MAG: variants seen among roughly 807,000 people sequenced by gnomAD.
The protein encoded by MAG is myelin associated glycoprotein, also known as myelin-associated glycoprotein.
MAG carries 30 observed loss-of-function variants against 60.7 expected under a neutral mutation model. That is an observed-to-expected ratio of 0.49 (90% CI 0.37 to 0.67). MAG has a LOEUF of 0.67. Ranked by LOEUF, MAG falls within the 30% of genes least tolerant of loss-of-function variation. MAG has a pLI of 0.00. For synonymous variants in MAG, 384 were observed against 376.8 expected (o/e 1.02, Z -0.22); for missense variants, 795 against 851.7 (o/e 0.93, Z 0.83).
chr19:35,295,717 C>T lies in MAG; in HGVS notation c.151C>T (p.Arg51Trp), dbSNP rs761708648. The change falls in exon 4 of 11, where the codon CGG (arginine) becomes TGG (tryptophan). Residue 51 changes from arginine (R) to tryptophan (W), a missense_variant. Physicochemically the swap from Arg to Trp is moderately radical, Grantham distance 101. Coordinates refer to ENST00000392213, the MANE Select transcript of MAG (RefSeq NM_002361.4). The surrounding 1 kb of genome is among the most constrained non-coding windows in gnomAD (Gnocchi z 5.8). ...CCGCTTTGACTTCCCGGATGAGCTG[C>T]GGCCCGCTGTGGTGCATGGTGTCTG... ...PCRFDFPDEL[R>W]PAVVHGVWYF... 3 of 1,613,712 alleles carry T rather than the reference C, an allele frequency of 1.9e-6. No individual in the cohort carries two copies. Among genetic ancestry groups the T allele is most frequent in the Non-Finnish European group, 1.7e-6 (2 of 1,180,014 alleles).
At chr19:35,312,438 G>C in intron 10 of MAG, 2 of 978,296 alleles carry the variant, frequency 2.0e-6, no homozygotes, top group Non-Finnish European at 3.2e-6. Context: ...GGTGATGTCC[G>C]GGCCTGCCCG....
intron 4 of MAG, among the ~76,000 whole-genome samples, chr19:35,299,004 C>T (rs1276083371): frequency 1.3e-5 from 2 of 150,866 alleles, no homozygotes; most frequent in Non-Finnish European, 3.0e-5. Context: ...CTACACAAAC[C>T]ACACACATCA....
At chr19:35,311,865 T>G (rs560384625) in intron 9 of MAG, 53 bp from the exon 10 acceptor site, 6 of 1,284,228 alleles carry the variant, frequency 4.7e-6, no homozygotes, top group Non-Finnish European at 6.7e-6. Context: ...CTAAAACACG[T>G]GGGGGTGCAG....
intron 6 of MAG, among the ~76,000 whole-genome samples, chr19:35,301,744 T>G (rs55956815): frequency 0.18 from 27,882 of 151,872 alleles, 2,627 homozygotes; most frequent in African/African-American, 0.21. Flanking sequence ...TTTTGTATTT[T>G]TAGTAGAGAC....
rs959701321 is a variant in MAG at position 35,305,743 on chromosome 19, C to T, written c.1231+3035C>T. On this transcript the variant is annotated intron_variant, in intron 7 of 10. Transcript: ENST00000392213. ...GCTGAGACAGTTGGATCACTTGAGG[C>T]CAGGAGTTCGAGACCAGCCTGACCA... Among the ~76,000 whole-genome samples, 4 of 152,176 alleles carry T rather than the reference C, an allele frequency of 2.6e-5. No individual in the cohort carries two copies. The East Asian group carries it at 7.7e-4, about 29-fold the overall frequency.
Position 35,313,501 on chromosome 19 carries a change from C to A in MAG, c.*47C>A, listed in dbSNP as rs755373979. Reference sequence around the variant, plus strand: ...TGGCTGACCCCCCTCAGGACCCTCGCTGGCCCCCACTGGCTGTGGGCTCCC... The same window carrying A: ...TGGCTGACCCCCCTCAGGACCCTCGATGGCCCCCACTGGCTGTGGGCTCCC... On this transcript the variant is annotated 3_prime_UTR_variant, in exon 11 of 11. Coordinates refer to ENST00000392213, the MANE Select transcript of MAG (RefSeq NM_002361.4). 3.9e-6 allele frequency: 6 copies of A among 1,526,814 alleles called. No individual in the cohort carries two copies. In the South Asian group the frequency reaches 6.2e-5, roughly 16 times the overall value. The allele number at this position is 1,526,814 out of a possible 1,614,324, so 94.6% of individuals were successfully genotyped here. A position where few individuals can be genotyped will look rare whatever the true frequency, so the allele number is the denominator to read the frequency against.
chr19:35,312,192 G>A (rs1210378596), intron 10 of MAG, 175 bp downstream of exon 10: 4 of 1,365,794 alleles, frequency 2.9e-6, no homozygotes, highest in South Asian at 2.3e-5. Flanking sequence ...TGCCCAGGCC[G>A]AAGCTGTGTA....
chr19:35,310,669 G>A, intron 9 of MAG, 26 bp downstream of exon 9: 1 of 1,607,972 alleles, frequency 6.2e-7, no homozygotes, highest in Non-Finnish European at 8.5e-7. Flanking sequence ...GGCTGATCTG[G>A]GGATGGGAGT....
chr19:35,292,969 A>T (rs2066368215), intron 1 of MAG, among the ~76,000 whole-genome samples: 1 of 152,038 alleles, frequency 6.6e-6, no homozygotes, highest in South Asian at 2.1e-4. Context: ...AATCCAACAG[A>T]TCTGCTGTAC....
Position 35,310,074 on chromosome 19 carries a change from G to T in MAG, c.1432G>T (p.Gly478Trp). The change falls in exon 8 of 11, where the codon GGG becomes TGG. Residue 478 changes from glycine to tryptophan, a missense_variant. By Grantham distance (184) the Gly-to-Trp change is radical. Transcript: ENST00000392213. The part of the protein sequence containing the change: ...LVLTSILTLR[G>W]QAQAPPRVIC... The stretch of plus-strand genomic sequence containing the variant: ...GCTCACCAGCATCCTCACGCTGCGG[G>T]GGCAGGCCCAGGCCCCGCCCCGCGT... 1.9e-6 allele frequency: 3 copies of T among 1,613,436 alleles called. No individual in the cohort carries two copies. The highest frequency in any genetic ancestry group is 1.7e-4 in the Middle Eastern group (1 of 6,060).
intron 4 of MAG, among the ~76,000 whole-genome samples, chr19:35,299,309 C>T (rs1052267194): frequency 1.3e-5 from 2 of 152,220 alleles, no homozygotes; most frequent in South Asian, 2.1e-4. Flanking sequence ...CCGTCAAGTG[C>T]TCTGGCCACG....
chr19:35,297,843 C>A (rs563302790), intron 4 of MAG, among the ~76,000 whole-genome samples: 1 of 148,214 alleles, frequency 6.7e-6, no homozygotes, highest in Non-Finnish European at 1.5e-5. Context: ...GCACAACACA[C>A]GCTACACAAA....
In MAG at chr19:35,310,653, A is replaced by G. The variant is rs751935497; in HGVS notation, c.1616+10A>G. The G allele has an allele frequency of 1.9e-6, 3 of 1,613,528 alleles. No homozygotes were observed. The highest frequency in any genetic ancestry group is 2.5e-6 in the Non-Finnish European group (3 of 1,179,722). On this transcript the variant is annotated intron_variant, in intron 9 of 10. Transcript: ENST00000392213. ...CCCAGACACGCAGGAAGTGAGTGCC[A>G]GCTGGGGCTGATCTGGGGATGGGAG...
intron 7 of MAG, 54 bp from the exon 8 acceptor site, chr19:35,309,815 CCGGGG>C: frequency 1.9e-6 from 3 of 1,565,236 alleles, no homozygotes; most frequent in Non-Finnish European, 2.6e-6. Context: ...CAAGGAGTCT[CCGGGG>C]CCGGGCCTCG....
Position 35,295,145 on chromosome 19 carries a change from G to T in MAG, c.-23-241G>T, listed in dbSNP as rs1013209999. On this transcript the variant is annotated intron_variant, in intron 2 of 10. Coordinates refer to ENST00000392213, the MANE Select transcript of MAG (RefSeq NM_002361.4). The surrounding 1 kb of genome is among the most constrained non-coding windows in gnomAD (Gnocchi z 5.8). ...GGGTGTGGGGTGGCGCATACCAGAAGCTGAGACAAGAGGATAACACGAGCT... is the reference window on the plus strand; with the variant it reads ...GGGTGTGGGGTGGCGCATACCAGAATCTGAGACAAGAGGATAACACGAGCT... Among the ~76,000 whole-genome samples the T allele has an allele frequency of 2.0e-5, 3 of 152,148 alleles. No homozygotes were observed. The highest frequency in any genetic ancestry group is 4.4e-5 in the Non-Finnish European group (3 of 68,042).
Position 35,295,292 on chromosome 19 carries a change from G to A in MAG, c.-23-94G>A. Reference sequence around the variant, plus strand: ...GCATAAATAAATAATAATAGCAGCAGCAGCTAACATATGAATGGGCCCCTT... The same window carrying A: ...GCATAAATAAATAATAATAGCAGCAACAGCTAACATATGAATGGGCCCCTT... On this transcript the variant is annotated intron_variant, in intron 2 of 10. Transcript: ENST00000392213. The surrounding 1 kb of genome is among the most constrained non-coding windows in gnomAD (Gnocchi z 5.8). 1 of 899,244 alleles carries A rather than the reference G, an allele frequency of 1.1e-6. No homozygotes were observed. Among genetic ancestry groups the A allele is most frequent in the Admixed American group, 2.3e-5 (1 of 43,990 alleles). The allele number at this position is 899,244 out of a possible 1,614,324, so 55.7% of individuals were successfully genotyped here. A position where few individuals can be genotyped will look rare whatever the true frequency, so the allele number is the denominator to read the frequency against.
At chr19:35,297,836 C>T (rs2066412859) in intron 4 of MAG, among the ~76,000 whole-genome samples, 1 of 145,836 alleles carries the variant, frequency 6.9e-6, no homozygotes, top group African/African-American at 2.5e-5. Context: ...CAAACATGCA[C>T]AACACACGCT....
At chr19:35,307,557 C>T (rs1252491667) in intron 7 of MAG, among the ~76,000 whole-genome samples, 3 of 152,092 alleles carry the variant, frequency 2.0e-5, no homozygotes, top group Non-Finnish European at 2.9e-5. Context: ...CATGGTGGCA[C>T]GCACGTGTAG....
chr19:35,299,951 TG>T, intron 5 of MAG, 101 bp downstream of exon 5: 1 of 661,566 alleles, frequency 1.5e-6, no homozygotes, highest in Non-Finnish European at 1.8e-6. Flanking sequence ...CGGGCCGTGA[TG>T]GGGGCGGGGC....
Sources: allele counts gnomAD v4.1 joint callset (sites outside exome capture counted in the v4.1 genomes callset), GRCh38; gene constraint gnomAD v4.1.1; non-coding constraint Gnocchi (gnomAD v3.1); transcripts MANE v1.5; gene names NCBI Gene and HGNC (gene_info 2026-07-23, HGNC 2026-07-21).